Variants in PAIP2 observed in about 807,000 individuals in gnomAD.
PAIP2 encodes poly(A) binding protein interacting protein 2.
PAIP2 carries 7 observed loss-of-function variants against 14.8 expected under a neutral mutation model. The observed-to-expected ratio is 0.47, with a 90% confidence interval of 0.27 to 0.89. The LOEUF (loss-of-function observed/expected upper bound fraction) is 0.89, where lower values mean the gene tolerates loss of function less well. Ranked by LOEUF, PAIP2 falls within the 40% of genes least tolerant of loss-of-function variation. The pLI is 0.13. For missense variants in PAIP2, 122 were observed against 154.7 expected (o/e 0.79, Z 1.12); for synonymous variants, 47 against 45.3 (o/e 1.04, Z -0.15).
chr5:139,346,142 C>G (rs999941937), intron 1 of PAIP2, among the ~76,000 whole-genome samples: 3 of 152,124 alleles, frequency 2.0e-5, no homozygotes, highest in Non-Finnish European at 4.4e-5. Context: ...GACTTCCAGG[C>G]AGTAGTACTG....
chr5:139,367,769 T>C (rs180818469), intron 3 of PAIP2: 6 of 152,344 alleles, frequency 3.9e-5, no homozygotes, highest in African/African-American at 1.4e-4. Context: ...TGGTATTTAG[T>C]GTTTAAAGAA....
intron 1 of PAIP2, among the ~76,000 whole-genome samples, chr5:139,345,788 T>C (rs1289571040): frequency 6.6e-6 from 1 of 151,892 alleles, no homozygotes; most frequent in Admixed American, 6.6e-5. Flanking sequence ...CCACCATGCC[T>C]GGCTAATTTT....
At chr5:139,355,289 C>T (rs1167280634) in intron 1 of PAIP2, among the ~76,000 whole-genome samples, 1 of 151,416 alleles carries the variant, frequency 6.6e-6, no homozygotes, top group Non-Finnish European at 1.5e-5. Flanking sequence ...CCTGCCTCAG[C>T]CTCCCAAGTA....
At chr5:139,366,340 G>A (rs1427981257) in intron 3 of PAIP2, among the ~76,000 whole-genome samples, 2 of 151,872 alleles carry the variant, frequency 1.3e-5, no homozygotes, top group Non-Finnish European at 2.9e-5. Context: ...ACAAAAATCA[G>A]TTCTTTAGTT....
chr5:139,369,574 A>G lies in PAIP2; in HGVS notation c.*776A>G, dbSNP rs1310122167. ...GCAGCACAACTTTTAACAAAGCTAG[A>G]ACAGTTTTGGCTTCTTAAACTTCAT... On this transcript the variant is annotated 3_prime_UTR_variant, in exon 4 of 4. Coordinates refer to ENST00000265192, the MANE Select transcript of PAIP2 (RefSeq NM_016480.5). The G allele has an allele frequency of 6.6e-6, 1 of 152,658 alleles. No homozygotes were observed. The highest frequency in any genetic ancestry group is 2.4e-5 in the African/African-American group (1 of 41,466). 9.5% of individuals were successfully genotyped at this position (152,658 alleles called of 1,614,324 possible). A position where few individuals can be genotyped will look rare whatever the true frequency, so the allele number is the denominator to read the frequency against.
intron 1 of PAIP2, among the ~76,000 whole-genome samples, chr5:139,344,155 G>T (rs1053363537): frequency 1.3e-5 from 2 of 152,148 alleles, no homozygotes; most frequent in East Asian, 3.8e-4. Flanking sequence ...GTAAAATGAA[G>T]ATAACAAATG....
intron 1 of PAIP2, among the ~76,000 whole-genome samples, chr5:139,345,916 C>T (rs578129472): frequency 5.3e-5 from 8 of 152,154 alleles, no homozygotes; most frequent in East Asian, 1.9e-4. Context: ...CGTGAGCCAC[C>T]GCACCAGGCC....
intron 3 of PAIP2, among the ~76,000 whole-genome samples, chr5:139,368,413 C>A (rs955053761): frequency 3.3e-5 from 5 of 152,026 alleles, no homozygotes; most frequent in African/African-American, 1.2e-4. Flanking sequence ...CCTGTAGTCC[C>A]AGCTACTCAG....
intron 1 of PAIP2, among the ~76,000 whole-genome samples, chr5:139,356,879 T>A (rs1756930829): frequency 8.1e-6 from 1 of 123,998 alleles, no homozygotes; most frequent in East Asian, 2.2e-4. Flanking sequence ...AGAGCAAGAC[T>A]CTGTCTCCAG....
intron 3 of PAIP2, among the ~76,000 whole-genome samples, chr5:139,366,874 A>G (rs1446371161): frequency 6.6e-6 from 1 of 152,170 alleles, no homozygotes; most frequent in Non-Finnish European, 1.5e-5. Context: ...CAGCCTGGGC[A>G]ACAAAGGGAG....
intron 1 of PAIP2, among the ~76,000 whole-genome samples, chr5:139,352,180 A>C (rs1316454754): frequency 4.8e-5 from 7 of 145,962 alleles, no homozygotes; most frequent in East Asian, 2.0e-4. Context: ...AAAAAAAAAA[A>C]AACACCAAAA....
At chr5:139,368,351 A>C (rs116669179) in intron 3 of PAIP2, among the ~76,000 whole-genome samples, 2,464 of 151,464 alleles carry the variant, frequency 0.016, 28 homozygotes, top group Non-Finnish European at 0.027. Context: ...TAAAAAAAAA[A>C]CTAAATAAAT....
chr5:139,343,975 C>T (rs539349542), intron 1 of PAIP2, among the ~76,000 whole-genome samples: 1 of 152,218 alleles, frequency 6.6e-6, no homozygotes, highest in African/African-American at 2.4e-5. Context: ...GTCGGCCTCC[C>T]AACAGAGCAA....
chr5:139,363,851 C>T lies in PAIP2; in HGVS notation c.67C>T (p.His23Tyr). ...CAATGAAGATGTGATTATTAACGGT[C>T]ATTCTCATGAAGATGACAATCCATT... ...IINEDVIINGHSHEDDNPFAE... is the reference protein window; with the variant it reads ...IINEDVIINGYSHEDDNPFAE... The change falls in exon 2 of 4, where the codon CAT (histidine) becomes TAT (tyrosine). Residue 23 changes from histidine to tyrosine, a missense_variant. Around this residue, in one of 3 missense-constraint regions of PAIP2, gnomAD observed 42 missense variants for 36.7 expected, o/e 1.15. Coordinates refer to ENST00000265192, the MANE Select transcript of PAIP2 (RefSeq NM_016480.5). The T allele has an allele frequency of 6.2e-7, 1 of 1,613,300 alleles. No individual in the cohort carries two copies. Among genetic ancestry groups the T allele is most frequent in the East Asian group, 2.2e-5 (1 of 44,878 alleles).
At chr5:139,363,575 C>T (rs906103256) in intron 1 of PAIP2, among the ~76,000 whole-genome samples, 184 bp from the exon 2 acceptor site, 6 of 151,666 alleles carry the variant, frequency 4.0e-5, no homozygotes, top group East Asian at 1.9e-4. Flanking sequence ...AAAATTCAGC[C>T]GGGTGGTGTG....
chr5:139,364,998 G>T (rs1404949930), intron 3 of PAIP2: 1 of 235,926 alleles, frequency 4.2e-6, no homozygotes, highest in Non-Finnish European at 8.2e-6. Context: ...TAAAAAATTA[G>T]CCGGGCATGG....
intron 1 of PAIP2, among the ~76,000 whole-genome samples, chr5:139,346,812 G>A (rs564528711): frequency 4.6e-5 from 7 of 151,502 alleles, no homozygotes; most frequent in South Asian, 2.1e-4. Flanking sequence ...GAGCTGCTGC[G>A]CCCAGCTTAT....
chr5:139,368,665 G>A, intron 3 of PAIP2, 68 bp from the exon 4 acceptor site: 1 of 1,016,182 alleles, frequency 9.8e-7, no homozygotes, highest in Non-Finnish European at 1.5e-6. Context: ...TTTTGCATGA[G>A]GATCTAGATT....
At chr5:139,362,143 T>C (rs1212376612) in intron 1 of PAIP2, among the ~76,000 whole-genome samples, 5 of 152,092 alleles carry the variant, frequency 3.3e-5, no homozygotes, top group Admixed American at 3.3e-4. Context: ...TTGAAGTCAG[T>C]TTTTAAAAAT....
Sources: gnomAD v4.1 joint callset for allele counts (sites outside exome capture counted in the v4.1 genomes callset) on GRCh38, gnomAD v4.1.1 for gene constraint, gnomAD v4.1.1 regional missense constraint, MANE v1.5 for transcripts, NCBI Gene and HGNC (gene_info 2026-07-23, HGNC 2026-07-21) for gene names.